The following KLHL1 variants were observed in gnomAD, a reference collection of about 807,000 sequenced individuals.
KLHL1 encodes the protein kelch like family member 1, also known as kelch-like protein 1.
KLHL1 carries 47 observed loss-of-function variants against 77.7 expected under a neutral mutation model. The ratio of observed to expected loss-of-function variants is 0.60; its 90% CI spans 0.48 to 0.77. The LOEUF (loss-of-function observed/expected upper bound fraction) is 0.77. KLHL1 is among the 30% of genes least tolerant of loss of function. The pLI, the probability that KLHL1 is intolerant of heterozygous loss-of-function variation, is 0.00. For missense variants in KLHL1, 925 were observed against 910.8 expected (o/e 1.02, Z -0.20); for synonymous variants, 360 against 325.2 (o/e 1.11, Z -1.15).
At chr13:70,052,372 A>G (rs1886650348) in intron 1 of KLHL1, among the ~76,000 whole-genome samples, 1 of 151,920 alleles carries the variant, frequency 6.6e-6, no homozygotes, top group Non-Finnish European at 1.5e-5. Flanking sequence ...TCATTTCTCC[A>G]GTATTTGTGA....
intron 4 of KLHL1, among the ~76,000 whole-genome samples, chr13:69,935,239 G>GGTGAACTTGGTACATAGTTCACCCACTA (rs1221329331): frequency 6.6e-6 from 1 of 150,722 alleles, no homozygotes; most frequent in Non-Finnish European, 1.5e-5. Flanking sequence ...TTCACCCACT[G>GGTGAACTTGGTACATAGTTCACCCACTA]GTGAACTTGG....
At chr13:69,917,050 C>T (rs1882468369) in intron 4 of KLHL1, among the ~76,000 whole-genome samples, 1 of 151,840 alleles carries the variant, frequency 6.6e-6, no homozygotes, top group East Asian at 1.9e-4. Context: ...ATTGTTTGCA[C>T]ATGTGTACGT....
chr13:70,070,418 C>G (rs1235657567), intron 1 of KLHL1, among the ~76,000 whole-genome samples: 1 of 151,866 alleles, frequency 6.6e-6, no homozygotes, highest in Non-Finnish European at 1.5e-5. Flanking sequence ...AACCTTCACT[C>G]AGAAACCATG....
intron 2 of KLHL1, among the ~76,000 whole-genome samples, chr13:69,967,975 T>C (rs1381886047): frequency 6.6e-6 from 1 of 152,076 alleles, no homozygotes; most frequent in Non-Finnish European, 1.5e-5. Flanking sequence ...GATTCCAATT[T>C]TGAAAGAAGT....
chr13:69,923,674 TAGTG>T (rs1368749634), intron 4 of KLHL1, among the ~76,000 whole-genome samples: 1 of 152,072 alleles, frequency 6.6e-6, no homozygotes, highest in Admixed American at 6.5e-5. Flanking sequence ...GGAGGAGAGT[TAGTG>T]AGAGACAATA....
chr13:69,865,958 G>A (rs7332909), intron 5 of KLHL1, among the ~76,000 whole-genome samples: 48,224 of 151,864 alleles, frequency 0.32, 8,165 homozygotes, highest in African/African-American at 0.44. Context: ...TAGCATGAAT[G>A]TATATTGCCA....
intron 4 of KLHL1, chr13:69,895,126 C>T (rs1881583014): frequency 8.6e-6 from 4 of 463,566 alleles, no homozygotes; most frequent in Non-Finnish European, 1.7e-5. Context: ...TCATTTGTTC[C>T]TTATATATAA....
chr13:69,708,058 C>T (rs954804379), intron 9 of KLHL1, among the ~76,000 whole-genome samples: 1 of 151,642 alleles, frequency 6.6e-6, no homozygotes, highest in Non-Finnish European at 1.5e-5. Context: ...TGTCTTTCTA[C>T]AAAAAAGTGT....
In KLHL1 at chr13:70,107,542, T is replaced by TGAGA; in HGVS notation, c.157_158insTCTC (p.Gln53LeufsTer105). 6.2e-7 allele frequency: 1 copy of TGAGA among 1,609,644 alleles called. No individual in the cohort carries two copies. Among genetic ancestry groups the TGAGA allele is most frequent in the Non-Finnish European group, 8.5e-7 (1 of 1,177,552 alleles). ...CTCTTGGCTTTTGAGCAGGCGACTC[T>TGAGA]GGCTGGGTCCCCAGTGCTCAAAGCT... On this transcript the variant is annotated frameshift_variant, in exon 1 of 11. Coordinates refer to ENST00000377844, the MANE Select transcript of KLHL1 (RefSeq NM_020866.3). LOFTEE classifies it high-confidence loss of function.
chr13:69,823,052 A>G (rs188186389), intron 6 of KLHL1, among the ~76,000 whole-genome samples: 26 of 152,308 alleles, frequency 1.7e-4, no homozygotes, highest in Non-Finnish European at 3.4e-4. Flanking sequence ...TTGCTCTGTG[A>G]AGACATAGAA....
chr13:70,090,981 C>T (rs945722905), intron 1 of KLHL1, among the ~76,000 whole-genome samples: 1 of 152,080 alleles, frequency 6.6e-6, no homozygotes, highest in African/African-American at 2.4e-5. Context: ...TTCTTCCTTT[C>T]TCTCTCTTTC....
intron 1 of KLHL1, among the ~76,000 whole-genome samples, chr13:70,057,261 T>A (rs1886764027): frequency 6.6e-6 from 1 of 151,936 alleles, no homozygotes; most frequent in Non-Finnish European, 1.5e-5. Flanking sequence ...AACAGACCAT[T>A]AACAAGTAAT....
In KLHL1 at chr13:70,108,007, G is replaced by A. The variant is rs1263984692; in HGVS notation, c.-308C>T. On this transcript the variant is annotated 5_prime_UTR_variant, in exon 1 of 11. The change creates a new upstream start codon in the 5' untranslated region. Coordinates refer to ENST00000377844, the MANE Select transcript of KLHL1 (RefSeq NM_020866.3). ...TCCTCGATGCCCGCGCGAGAGCCCC[G>A]TGTTATGGCGAGGTGGGACAACCCT... The A allele has an allele frequency of 4.5e-6, 2 of 444,666 alleles. No individual in the cohort carries two copies. The highest frequency in any genetic ancestry group is 3.3e-5 in the East Asian group (1 of 30,308). The allele number at this position is 444,666 out of a possible 1,614,324, so 27.5% of individuals were successfully genotyped here.
chr13:69,703,152 C>T (rs1352352936), intron 10 of KLHL1, among the ~76,000 whole-genome samples: 1 of 151,590 alleles, frequency 6.6e-6, no homozygotes, highest in East Asian at 1.9e-4. Context: ...AGGTTCAGGT[C>T]ATGGATGAAC....
At chr13:69,909,461 A>G (rs1426016663) in intron 4 of KLHL1, among the ~76,000 whole-genome samples, 1 of 152,098 alleles carries the variant, frequency 6.6e-6, no homozygotes, top group African/African-American at 2.4e-5. Context: ...AAAGCCCATT[A>G]AATCTAAATT....
intron 5 of KLHL1, among the ~76,000 whole-genome samples, chr13:69,847,770 A>T (rs1031336866): frequency 1.2e-4 from 18 of 151,508 alleles, no homozygotes; most frequent in Non-Finnish European, 2.5e-4. Flanking sequence ...AATCTATAAA[A>T]CAAAATTGAT....
At chr13:69,959,419 T>C in intron 3 of KLHL1, among the ~76,000 whole-genome samples, 1 of 151,916 alleles carries the variant, frequency 6.6e-6, no homozygotes, top group East Asian at 1.9e-4. Flanking sequence ...GAGGTAAATA[T>C]TCCTCCATAT....
chr13:69,798,205 A>T (rs1410794099), intron 6 of KLHL1, among the ~76,000 whole-genome samples: 1 of 152,340 alleles, frequency 6.6e-6, no homozygotes, highest in Admixed American at 6.5e-5. Flanking sequence ...TCTACAAAGC[A>T]AATTAACATT....
At chr13:69,718,322 G>C (rs1872868409) in intron 9 of KLHL1, among the ~76,000 whole-genome samples, 1 of 152,034 alleles carries the variant, frequency 6.6e-6, no homozygotes, top group Admixed American at 6.6e-5. Context: ...TCTATTACTT[G>C]CAGTTGAAAT....
Sources: gnomAD v4.1 joint callset for allele counts (sites outside exome capture counted in the v4.1 genomes callset) on GRCh38, gnomAD v4.1.1 for gene constraint, MANE v1.5 for transcripts, NCBI Gene and HGNC (gene_info 2026-07-23, HGNC 2026-07-21) for gene names.